TYW1B: variants seen among roughly 807,000 people sequenced by gnomAD.
The protein encoded by TYW1B is tRNA-yW synthesizing protein 1 homolog B, also known as S-adenosyl-L-methionine-dependent tRNA 4-demethylwyosine synthase TYW1B.
In TYW1B, 73 loss-of-function variants were observed where a neutral mutation model predicts 86.9. The observed-to-expected ratio is 0.84, with a 90% confidence interval of 0.70 to 1.02. TYW1B has a LOEUF of 1.02. Ranked by LOEUF, TYW1B falls within the 50% of genes least tolerant of loss-of-function variation. The probability of loss-of-function intolerance (pLI) is 0.00; values close to 1 mark genes in which losing one functional copy is unlikely to be tolerated. For missense variants in TYW1B, 637 were observed against 827.4 expected, an observed-to-expected ratio of 0.77 and a Z score of 2.82; for synonymous variants, 248 against 292.8, an observed-to-expected ratio of 0.85 and a Z score of 1.56.
chr7:72,822,162 C>CAAAA (rs782637112), intron 2 of TYW1B, among the ~76,000 whole-genome samples: 13 of 36,272 alleles, frequency 3.6e-4, no homozygotes, highest in East Asian at 1.5e-3. Context: ...GACCCTGTCT[C>CAAAA]AAAAAAAAAA....
chr7:72,608,972 T>C (rs1357253503), intron 13 of TYW1B, among the ~76,000 whole-genome samples: 13 of 152,196 alleles, frequency 8.5e-5, no homozygotes, highest in African/African-American at 2.7e-4. Context: ...GTGAGTGCAT[T>C]TAAAATTGGT....
At chr7:72,809,643 C>A (rs1427657483) in intron 4 of TYW1B, among the ~76,000 whole-genome samples, 11 of 150,492 alleles carry the variant, frequency 7.3e-5, no homozygotes, top group African/African-American at 2.7e-4. Context: ...CAAAGCAAGA[C>A]CCTGTTCTGA....
intron 11 of TYW1B, among the ~76,000 whole-genome samples, chr7:72,670,241 G>A (rs1813566030): frequency 6.6e-6 from 1 of 152,204 alleles, no homozygotes; most frequent in Non-Finnish European, 1.5e-5. Context: ...GCCCAGGCTG[G>A]AATGCAATGG....
chr7:72,658,838 G>A (rs1813265312), intron 11 of TYW1B, among the ~76,000 whole-genome samples: 3 of 151,878 alleles, frequency 2.0e-5, no homozygotes, highest in South Asian at 2.1e-4. Context: ...CTCCTGTCTC[G>A]GCCTCCCAAG....
At chr7:72,663,615 T>C (rs1423144769) in intron 11 of TYW1B, among the ~76,000 whole-genome samples, 1 of 151,610 alleles carries the variant, frequency 6.6e-6, no homozygotes, top group East Asian at 1.9e-4. Flanking sequence ...ATATAAAAAA[T>C]TAGCCGGGCG....
chr7:72,588,962 G>GC (rs1811336358), intron 13 of TYW1B, among the ~76,000 whole-genome samples: 1 of 152,014 alleles, frequency 6.6e-6, no homozygotes, highest in African/African-American at 2.4e-5. Context: ...ACAGGCAAGT[G>GC]CCACCATGCC....
At position 72,574,601 on chromosome 7, in the gene TYW1B, A is replaced by T; in HGVS notation, c.*897T>A. 1 of 985,446 alleles carries T rather than the reference A, an allele frequency of 1.0e-6. No individual in the cohort carries two copies. The highest frequency in any genetic ancestry group is 1.7e-5 in the African/African-American group (1 of 57,378). 61.0% of individuals were successfully genotyped at this position (985,446 alleles called of 1,614,324 possible). A position where few individuals can be genotyped will look rare whatever the true frequency, so the allele number is the denominator to read the frequency against. ...AACTTGAAAACAATTTTGAGTATTT[A>T]TGATCTTTCCAACTTGAAAACACCT... On this transcript the variant is annotated 3_prime_UTR_variant, in exon 14 of 14. Transcript: ENST00000620995.
chr7:72,584,544 C>T lies in TYW1B; in HGVS notation c.1786-8825G>A, dbSNP rs1811231502. On this transcript the variant is annotated intron_variant, in intron 13 of 13. Transcript: ENST00000620995. Reference sequence around the variant, plus strand: ...AATCTTGGCTCACTGAAACCTCTGCCTCCCAGGTTCAAGAGATTCTCCTGT... The same window carrying T: ...AATCTTGGCTCACTGAAACCTCTGCTTCCCAGGTTCAAGAGATTCTCCTGT... Among the ~76,000 whole-genome samples the T allele has an allele frequency of 3.3e-5, 5 of 151,964 alleles. 1 individual carries two copies. In the South Asian group the frequency reaches 1.0e-3, roughly 32 times the overall value.
intron 11 of TYW1B, among the ~76,000 whole-genome samples, chr7:72,631,343 T>C (rs1410178305): frequency 3.3e-5 from 5 of 151,926 alleles, no homozygotes; most frequent in Admixed American, 1.3e-4. Flanking sequence ...TGAAACCCCG[T>C]CTCCACTAAA....
chr7:72,606,711 G>A (rs559203839), intron 13 of TYW1B, among the ~76,000 whole-genome samples: 39 of 151,294 alleles, frequency 2.6e-4, no homozygotes, highest in Admixed American at 5.3e-4. Context: ...GGAGGCTGAC[G>A]GGAGCCAGAA....
At chr7:72,629,430 C>A (rs1391456514) in intron 11 of TYW1B, among the ~76,000 whole-genome samples, 4 of 152,142 alleles carry the variant, frequency 2.6e-5, no homozygotes, top group Non-Finnish European at 5.9e-5. Flanking sequence ...CTTTCCTACT[C>A]CCTCATTATT....
At chr7:72,749,911 T>G (rs528852711) in intron 7 of TYW1B, among the ~76,000 whole-genome samples, 8 of 96,420 alleles carry the variant, frequency 8.3e-5, no homozygotes, top group African/African-American at 2.5e-4. Context: ...TGGTTTTTTT[T>G]GTTTTTTTTT....
intron 6 of TYW1B, among the ~76,000 whole-genome samples, chr7:72,792,129 G>A (rs1788230176): frequency 6.6e-6 from 1 of 152,034 alleles, no homozygotes. Flanking sequence ...AGGAGTTTGA[G>A]ATCAACCTGG....
intron 1 of TYW1B, 44 bp downstream of exon 1, chr7:72,828,028 C>T (rs1788972098): frequency 1.2e-6 from 2 of 1,612,362 alleles, no homozygotes; most frequent in East Asian, 4.5e-5. Context: ...AAAACGTTTA[C>T]CTCCCCTGCC....
intron 10 of TYW1B, among the ~76,000 whole-genome samples, chr7:72,713,248 C>T (rs1403370125): frequency 1.4e-5 from 2 of 141,540 alleles, no homozygotes; most frequent in Admixed American, 1.5e-4. Flanking sequence ...TAGCAGTGAG[C>T]CATGATCACG....
At chr7:72,644,826 C>CTTTTTTTT (rs371295909) in intron 11 of TYW1B, among the ~76,000 whole-genome samples, 2 of 119,628 alleles carry the variant, frequency 1.7e-5, no homozygotes, top group African/African-American at 3.3e-5. Flanking sequence ...CATGACTTTC[C>CTTTTTTTT]TTTTTTTTTT....
In TYW1B at chr7:72,764,659, T is replaced by TA. The variant is rs1217411681; in HGVS notation, c.964+12756dup. Reference sequence around the variant, plus strand: ...GACAACTTCCAGAACTCTAATATATTAAAAAAACTGATTGGTGCATAAAAC... The same window carrying TA: ...GACAACTTCCAGAACTCTAATATATTAAAAAAAACTGATTGGTGCATAAAAC... On this transcript the variant is annotated intron_variant, in intron 7 of 13. Transcript: ENST00000620995. Among the ~76,000 whole-genome samples the TA allele has an allele frequency of 5.3e-5, 8 of 152,224 alleles. No individual in the cohort carries two copies. In the East Asian group the frequency reaches 5.8e-4, roughly 11 times the overall value.
chr7:72,675,539 G>GTATATATATATA (rs57288719), intron 11 of TYW1B, among the ~76,000 whole-genome samples: 94 of 144,524 alleles, frequency 6.5e-4, no homozygotes, highest in Admixed American at 1.2e-3. Flanking sequence ...AGTGATGTCA[G>GTATATATATATA]TATATATATA....
chr7:72,660,335 T>C (rs1301238888), intron 11 of TYW1B, among the ~76,000 whole-genome samples: 2 of 151,968 alleles, frequency 1.3e-5, no homozygotes, highest in African/African-American at 2.4e-5. Context: ...GATTGGGCCA[T>C]TGCACTCCAG....
Sources: allele counts gnomAD v4.1 joint callset (sites outside exome capture counted in the v4.1 genomes callset), GRCh38; gene constraint gnomAD v4.1.1; transcripts MANE v1.5; gene names NCBI Gene and HGNC (gene_info 2026-07-23, HGNC 2026-07-21).